Variants in NOVA1 observed in about 807,000 individuals in gnomAD.
NOVA1 encodes RNA-binding protein Nova-1.
Under a neutral mutation model 38.0 loss-of-function variants are expected in NOVA1, and 7 were observed. That is an observed-to-expected ratio of 0.18 (90% CI 0.10 to 0.35). The LOEUF (loss-of-function observed/expected upper bound fraction) is 0.35. Among genes scored for constraint, NOVA1 ranks in the 10% least tolerant of loss-of-function variants. The pLI, the probability that NOVA1 is intolerant of heterozygous loss-of-function variation, is 1.00. For synonymous variants in NOVA1, 270 were observed against 232.5 expected (o/e 1.16, Z -1.47); for missense variants, 460 against 616.0 (o/e 0.75, Z 2.68).
chr14:26,479,711 T>C, intron 3 of NOVA1: 1 of 394,350 alleles, frequency 2.5e-6, no homozygotes, highest in Non-Finnish European at 4.5e-6. Context: ...AATTTGTGTC[T>C]ATAAATTTAA....
intron 2 of NOVA1, among the ~76,000 whole-genome samples, chr14:26,590,101 T>C (rs903775749): frequency 6.6e-6 from 1 of 151,884 alleles, no homozygotes; most frequent in African/African-American, 2.4e-5. Context: ...AAGTGACAAC[T>C]AACCTCTTCT....
At chr14:26,461,161 T>C (rs1435719324) in intron 4 of NOVA1, among the ~76,000 whole-genome samples, 1 of 152,142 alleles carries the variant, frequency 6.6e-6, no homozygotes, top group Non-Finnish European at 1.5e-5. Flanking sequence ...GAGCCAATAC[T>C]AGACACAGGA....
At chr14:26,474,964 T>C (rs1046852220) in intron 3 of NOVA1, among the ~76,000 whole-genome samples, 19 of 152,056 alleles carry the variant, frequency 1.2e-4, no homozygotes, top group African/African-American at 3.4e-4. Context: ...TTTCAGTTGA[T>C]TGTTTTTTAA....
At chr14:26,596,841 A>C (rs1594604083) in intron 1 of NOVA1, 15 of 1,091,698 alleles carry the variant, frequency 1.4e-5, no homozygotes, top group East Asian at 1.7e-4. Flanking sequence ...GAGAGGAAAA[A>C]CTCTCCGGCG....
chr14:26,587,724 A>T (rs770493620), intron 2 of NOVA1, among the ~76,000 whole-genome samples: 1 of 151,302 alleles, frequency 6.6e-6, no homozygotes, highest in African/African-American at 2.4e-5. Context: ...ATATGACCAA[A>T]ATTAAAAAGC....
chr14:26,521,102 T>C (rs1594456146), intron 2 of NOVA1, among the ~76,000 whole-genome samples: 1 of 151,982 alleles, frequency 6.6e-6, no homozygotes, highest in East Asian at 1.9e-4. Flanking sequence ...TCAAAAATAA[T>C]AACTTTCCAA....
At chr14:26,541,874 C>T (rs925503343) in intron 2 of NOVA1, among the ~76,000 whole-genome samples, 6 of 151,428 alleles carry the variant, frequency 4.0e-5, no homozygotes, top group African/African-American at 1.5e-4. Context: ...AATGTTATTG[C>T]TATAAGAAGT....
At chr14:26,522,326 T>C (rs1160850280) in intron 2 of NOVA1, among the ~76,000 whole-genome samples, 1 of 152,146 alleles carries the variant, frequency 6.6e-6, no homozygotes. Context: ...GCTGGAACTA[T>C]AGTTTGAACT....
chr14:26,478,532 T>C (rs1383381625), intron 3 of NOVA1, among the ~76,000 whole-genome samples: 1 of 151,970 alleles, frequency 6.6e-6, no homozygotes, highest in African/African-American at 2.4e-5. Context: ...TAGCCCCAGG[T>C]GATTTTAACC....
At chr14:26,555,415 G>A (rs1891420580) in intron 2 of NOVA1, among the ~76,000 whole-genome samples, 1 of 152,030 alleles carries the variant, frequency 6.6e-6, no homozygotes, top group East Asian at 1.9e-4. Flanking sequence ...AACTGTTCAT[G>A]TAATGTTCTC....
intron 4 of NOVA1, among the ~76,000 whole-genome samples, chr14:26,467,858 A>G (rs2138234664): frequency 6.6e-6 from 1 of 152,274 alleles, no homozygotes; most frequent in Non-Finnish European, 1.5e-5. Context: ...TAGGAAAGGA[A>G]GTAAGGTCAT....
chr14:26,546,280 T>C (rs1201868788), intron 2 of NOVA1, among the ~76,000 whole-genome samples: 3 of 152,192 alleles, frequency 2.0e-5, no homozygotes, highest in South Asian at 4.1e-4. Context: ...TAAAAAGAAT[T>C]GTCCACCTAA....
intron 2 of NOVA1, among the ~76,000 whole-genome samples, chr14:26,482,437 T>C (rs1885546016): frequency 6.6e-6 from 1 of 152,056 alleles, no homozygotes; most frequent in Non-Finnish European, 1.5e-5. Context: ...TAGGAGAAAG[T>C]CACAAAAAAG....
intron 2 of NOVA1, among the ~76,000 whole-genome samples, chr14:26,559,097 G>A (rs1014160047): frequency 3.3e-5 from 5 of 151,936 alleles, no homozygotes; most frequent in African/African-American, 7.2e-5. Context: ...AAAAAGTTGC[G>A]ATTATTTCTC....
At chr14:26,520,315 C>G (rs1888774765) in intron 2 of NOVA1, among the ~76,000 whole-genome samples, 1 of 152,140 alleles carries the variant, frequency 6.6e-6, no homozygotes, top group Non-Finnish European at 1.5e-5. Flanking sequence ...GCAGGCTCCC[C>G]AGGGTGGACT....
chr14:26,579,668 C>A (rs1438225815), intron 2 of NOVA1, among the ~76,000 whole-genome samples: 1 of 151,774 alleles, frequency 6.6e-6, no homozygotes, highest in Non-Finnish European at 1.5e-5. Context: ...TCATAAAAAA[C>A]AATTTTAGCG....
chr14:26,531,606 T>TCAAAAGAAAA (rs151076230), intron 2 of NOVA1, among the ~76,000 whole-genome samples: 1 of 150,856 alleles, frequency 6.6e-6, no homozygotes, highest in East Asian at 2.0e-4. Context: ...AAACTCCGTC[T>TCAAAAGAAAA]CAAAACAAAA....
intron 2 of NOVA1, among the ~76,000 whole-genome samples, chr14:26,558,427 G>T (rs1454709706): frequency 2.0e-5 from 3 of 152,156 alleles, no homozygotes; most frequent in South Asian, 2.1e-4. Context: ...GGGGCAAAAA[G>T]AAATACATGG....
chr14:26,512,681 T>C (rs976871262), intron 2 of NOVA1, among the ~76,000 whole-genome samples: 1 of 152,128 alleles, frequency 6.6e-6, no homozygotes, highest in Admixed American at 6.6e-5. Context: ...TATGACATAA[T>C]AATAAATAAA....
Sources: allele counts gnomAD v4.1 joint callset (sites outside exome capture counted in the v4.1 genomes callset), GRCh38; gene constraint gnomAD v4.1.1; transcripts MANE v1.5; gene names NCBI Gene and HGNC (gene_info 2026-07-23, HGNC 2026-07-21).